MACROD2: variants seen among roughly 807,000 people sequenced by gnomAD.
MACROD2 encodes the protein ADP-ribose glycohydrolase MACROD2.
In MACROD2, 36 loss-of-function variants were observed where a neutral mutation model predicts 70.4. That is an observed-to-expected ratio of 0.51 (90% CI 0.39 to 0.68). The LOEUF (loss-of-function observed/expected upper bound fraction) is 0.68, where lower values mean the gene tolerates loss of function less well. Ranked by LOEUF, MACROD2 falls within the 30% of genes least tolerant of loss-of-function variation. MACROD2 has a pLI of 0.00. For missense variants in MACROD2, 496 were observed against 538.4 expected, an observed-to-expected ratio of 0.92 and a Z score of 0.78; for synonymous variants, 172 against 178.8, an observed-to-expected ratio of 0.96 and a Z score of 0.30.
At chr20:15,495,668 G>A (rs998099783) in intron 7 of MACROD2, among the ~76,000 whole-genome samples, 5 of 152,202 alleles carry the variant, frequency 3.3e-5, no homozygotes, top group African/African-American at 7.2e-5. Context: ...TGCCAGCAAT[G>A]TTTTAGGTAT....
At chr20:15,510,954 G>A (rs1294507668) in intron 8 of MACROD2, among the ~76,000 whole-genome samples, 1 of 152,178 alleles carries the variant, frequency 6.6e-6, no homozygotes, top group East Asian at 1.9e-4. Context: ...AAGAATATTG[G>A]GGGATCTACT....
intron 15 of MACROD2, among the ~76,000 whole-genome samples, chr20:16,031,432 G>A (rs1264436916): frequency 6.6e-6 from 1 of 152,084 alleles, no homozygotes; most frequent in African/African-American, 2.4e-5. Context: ...CATCTATGAA[G>A]ATTAACAGTT....
chr20:15,045,506 T>A (rs2075386303), intron 5 of MACROD2, among the ~76,000 whole-genome samples: 1 of 152,198 alleles, frequency 6.6e-6, no homozygotes, highest in South Asian at 2.1e-4. Flanking sequence ...GTTTAGCTGT[T>A]GAAACTATTG....
chr20:14,469,253 G>T (rs1039482626), intron 3 of MACROD2, among the ~76,000 whole-genome samples: 2 of 152,058 alleles, frequency 1.3e-5, no homozygotes, highest in Non-Finnish European at 2.9e-5. Context: ...TTGAATATTG[G>T]CCCCCACTCT....
intron 10 of MACROD2, among the ~76,000 whole-genome samples, chr20:15,898,941 C>T (rs2065018715): frequency 6.7e-6 from 1 of 150,180 alleles, no homozygotes; most frequent in Non-Finnish European, 1.5e-5. Context: ...ATGTGTATAC[C>T]TTATATGTAT....
chr20:14,982,794 G>A (rs2074813364), intron 5 of MACROD2, among the ~76,000 whole-genome samples: 1 of 152,204 alleles, frequency 6.6e-6, no homozygotes, highest in African/African-American at 2.4e-5. Flanking sequence ...CCTCTCCTAG[G>A]GCAGTGCATT....
rs564185511 is a variant in MACROD2 at position 15,687,828 on chromosome 20, A to T, written c.646-174917A>T. Among the ~76,000 whole-genome samples, 5 of 152,310 alleles carry T rather than the reference A, an allele frequency of 3.3e-5. No homozygotes were observed. In the Middle Eastern group the frequency reaches 0.01, roughly 311 times the overall value. On this transcript the variant is annotated intron_variant, in intron 8 of 17. Transcript: ENST00000684519. ...GGGGAGCAGGGTGGAAAAGGACTAT[A>T]CTAAACTCCTGAGCTCTCTTCTTCA...
intron 7 of MACROD2, among the ~76,000 whole-genome samples, chr20:15,441,331 C>T (rs2046492595): frequency 6.6e-6 from 1 of 152,148 alleles, no homozygotes; most frequent in Non-Finnish European, 1.5e-5. Context: ...GGAAAGTAGT[C>T]TCAAGTGACC....
intron 10 of MACROD2, among the ~76,000 whole-genome samples, chr20:15,900,670 A>G (rs2065050787): frequency 6.6e-6 from 1 of 152,222 alleles, no homozygotes; most frequent in Admixed American, 6.5e-5. Context: ...ATCCCAATTT[A>G]TGCATGTTGC....
intron 3 of MACROD2, among the ~76,000 whole-genome samples, chr20:14,107,748 T>C (rs1232257733): frequency 6.6e-6 from 1 of 152,040 alleles, no homozygotes; most frequent in East Asian, 1.9e-4. Context: ...TCAAATCTGA[T>C]GGAAAAAACC....
At chr20:15,585,847 T>C (rs1277293664) in intron 8 of MACROD2, among the ~76,000 whole-genome samples, 1 of 152,204 alleles carries the variant, frequency 6.6e-6, no homozygotes, top group Non-Finnish European at 1.5e-5. Context: ...CAGGGTGTGC[T>C]TCTGGGAAAA....
intron 13 of MACROD2, among the ~76,000 whole-genome samples, chr20:15,984,018 A>G (rs1018299130): frequency 2.6e-5 from 4 of 152,118 alleles, no homozygotes; most frequent in Non-Finnish European, 5.9e-5. Flanking sequence ...TTACTTTTAT[A>G]TTAGTGTGTT....
At chr20:15,904,276 C>A (rs1055762453) in intron 10 of MACROD2, among the ~76,000 whole-genome samples, 1 of 152,032 alleles carries the variant, frequency 6.6e-6, no homozygotes, top group African/African-American at 2.4e-5. Flanking sequence ...GCCTCGGCCT[C>A]CCAAAGTGCT....
At chr20:14,222,813 GAAAAAAAAAAAAAAAAAA>G (rs199573606) in intron 3 of MACROD2, among the ~76,000 whole-genome samples, 2 of 132,918 alleles carry the variant, frequency 1.5e-5, no homozygotes, top group Admixed American at 1.5e-4. Context: ...TTGGATTTCT[GAAAAAAAAAAAAAAAAAA>G]AAAAAAAAAA....
intron 3 of MACROD2, among the ~76,000 whole-genome samples, chr20:14,288,066 G>T (rs946276145): frequency 2.0e-5 from 3 of 151,794 alleles, no homozygotes; most frequent in Non-Finnish European, 4.4e-5. Flanking sequence ...ATTATACAAG[G>T]TGTGACCACA....
At chr20:14,653,209 T>A (rs1325139101) in intron 4 of MACROD2, among the ~76,000 whole-genome samples, 1 of 149,494 alleles carries the variant, frequency 6.7e-6, no homozygotes, top group Non-Finnish European at 1.5e-5. Flanking sequence ...CACCAACATG[T>A]ACAGCAATTT....
chr20:15,551,591 T>A (rs2048097695), intron 8 of MACROD2, among the ~76,000 whole-genome samples: 1 of 152,092 alleles, frequency 6.6e-6, no homozygotes, highest in Non-Finnish European at 1.5e-5. Flanking sequence ...TAGCAGAATA[T>A]TTTCAGGCTG....
intron 6 of MACROD2, among the ~76,000 whole-genome samples, chr20:15,260,580 G>A (rs2077240526): frequency 6.6e-6 from 1 of 151,916 alleles, no homozygotes; most frequent in African/African-American, 2.4e-5. Context: ...ATATGGGAGT[G>A]CAAATATCTC....
intron 6 of MACROD2, among the ~76,000 whole-genome samples, chr20:15,278,544 G>A (rs76043298): frequency 0.034 from 5,128 of 152,232 alleles, 111 homozygotes; most frequent in South Asian, 0.078. Context: ...TCTTCCAAGA[G>A]CTACTGAAAT....
Sources: gnomAD v4.1 joint callset for allele counts (sites outside exome capture counted in the v4.1 genomes callset) on GRCh38, gnomAD v4.1.1 for gene constraint, MANE v1.5 for transcripts, NCBI Gene and HGNC (gene_info 2026-07-23, HGNC 2026-07-21) for gene names.